Variants in WDR44 observed in about 807,000 individuals in gnomAD.
WDR44 encodes the protein WD repeat-containing protein 44.
WDR44 carries 9 observed loss-of-function variants against 65.7 expected under a neutral mutation model. That is an observed-to-expected ratio of 0.14 (90% confidence interval 0.08 to 0.24). WDR44 has a LOEUF of 0.24. Among genes scored for constraint, WDR44 ranks in the 10% least tolerant of loss-of-function variants. The probability of loss-of-function intolerance (pLI) is 1.00; values close to 1 mark genes in which losing one functional copy is unlikely to be tolerated. For synonymous variants in WDR44, 220 were observed against 235.2 expected (o/e 0.94, Z 0.59); for missense variants, 425 against 670.9 (o/e 0.63, Z 4.05).
intron 12 of WDR44, among the ~76,000 whole-genome samples, chrX:118,430,929 G>A (rs762120870): frequency 8.9e-6 from 1 of 112,123 alleles, no homozygotes; most frequent in South Asian, 3.8e-4. Flanking sequence ...GGGGGGCGAG[G>A]ATGGTAGTCA....
At chrX:118,349,478 C>T (rs904180568) in intron 1 of WDR44, among the ~76,000 whole-genome samples, 6 of 109,982 alleles carry the variant, frequency 5.5e-5, no homozygotes, top group Admixed American at 1.9e-4. Flanking sequence ...TCTCCCAGGG[C>T]GCTGGGATTA....
intron 12 of WDR44, among the ~76,000 whole-genome samples, chrX:118,424,325 A>ATATATATATATATATATATATATG (rs2057136272): frequency 1.9e-4 from 12 of 62,449 alleles, no homozygotes; most frequent in African/African-American, 3.9e-4. Flanking sequence ...GTGTGTGTGT[A>ATATATATATATATATATATATATG]TATATATATA....
chrX:118,384,496 G>A (rs1408276438), intron 2 of WDR44, among the ~76,000 whole-genome samples: 7 of 111,601 alleles, frequency 6.3e-5, no homozygotes, highest in Non-Finnish European at 1.1e-4. Context: ...GTAGGTGTGC[G>A]GTCTTATTTC....
intron 8 of WDR44, among the ~76,000 whole-genome samples, chrX:118,402,435 CAAAAAAAAAAAAA>C (rs758497932): frequency 6.9e-5 from 1 of 14,424 alleles, no homozygotes; most frequent in Non-Finnish European, 1.0e-4. Flanking sequence ...AACTCTGTCT[CAAAAAAAAAAAAA>C]AAAAAAAAAA....
chrX:118,348,779 T>G (rs1172657475), intron 1 of WDR44, among the ~76,000 whole-genome samples: 1 of 111,955 alleles, frequency 8.9e-6, no homozygotes, highest in Non-Finnish European at 1.9e-5. Context: ...TTACTAGATA[T>G]TGGTCATCAG....
At position 118,404,302 on chromosome X, in the gene WDR44, G is replaced by T; in HGVS notation, c.1275-36G>T. 6 of 1,039,525 alleles carry T rather than the reference G, an allele frequency of 5.8e-6. No individual in the cohort carries two copies. The Middle Eastern group carries it at 8.0e-4, about 138-fold the overall frequency. The allele number at this position is 1,039,525 out of a possible 1,213,427, so 85.7% of individuals were successfully genotyped here. On this transcript the variant is annotated intron_variant, in intron 8 of 19. Transcript: ENST00000254029. ...GTCTGCAAATTATTGGACTTTTACA[G>T]TTAACTGAGTTGATACTTTTTTCAT...
At chrX:118,381,864 C>T (rs967462436) in intron 2 of WDR44, among the ~76,000 whole-genome samples, 2 of 107,832 alleles carry the variant, frequency 1.9e-5, no homozygotes, top group African/African-American at 3.4e-5. Context: ...CCACTGGGCC[C>T]GACCAGTATA....
In WDR44 at chrX:118,393,148, C is replaced by T; in HGVS notation, c.703C>T (p.Arg235Cys). The stretch of plus-strand genomic sequence containing the variant: ...TAGTACAAAGAAGCCTGTTCCAGCA[C>T]GCCCACCTCCTCCAACTAATTTCCC... ...VASTKKPVPARPPPPTNFPPP... is the reference protein window; with the variant it reads ...VASTKKPVPACPPPPTNFPPP... Residue 235 changes from arginine (R) to cysteine (C), a missense_variant, in exon 4 of 20, where the codon CGC (arginine) becomes TGC (cysteine). By Grantham distance (180) the Arg-to-Cys change is radical. Coordinates refer to ENST00000254029, the MANE Select transcript of WDR44 (RefSeq NM_019045.5). 3 of 1,211,938 alleles carry T rather than the reference C, an allele frequency of 2.5e-6. No individual in the cohort carries two copies. The highest frequency in any genetic ancestry group is 3.3e-6 in the Non-Finnish European group (3 of 895,566).
In WDR44 at chrX:118,432,809, A is replaced by G; in HGVS notation, c.1766A>G (p.Asp589Gly). The G allele has an allele frequency of 8.3e-7, 1 of 1,211,339 alleles. No homozygotes were observed. Among genetic ancestry groups the G allele is most frequent in the Non-Finnish European group, 1.1e-6 (1 of 894,859 alleles). Reference sequence around the variant, plus strand: ...TGCAGTGGAACTGATGAAGACCCTGATGATAAAAACGCACCCTTTCGGCAA... The same window carrying G: ...TGCAGTGGAACTGATGAAGACCCTGGTGATAAAAACGCACCCTTTCGGCAA... ...GVCSGTDEDP[D>G]DKNAPFRQRP... is the part of the protein sequence containing the mutation. Residue 589 changes from aspartate to glycine, a missense_variant, in exon 13 of 20, where the codon GAT becomes GGT. By Grantham distance (94) the Asp-to-Gly change is moderately conservative. This residue lies in a region of WDR44 where 45 missense variants were observed against 50.0 expected (regional missense o/e 0.90). Transcript: ENST00000254029.
At chrX:118,406,208 C>T (rs1485148434) in intron 9 of WDR44, among the ~76,000 whole-genome samples, 1 of 111,120 alleles carries the variant, frequency 9.0e-6, no homozygotes, top group Non-Finnish European at 1.9e-5. Flanking sequence ...GGGATTTGAG[C>T]ATTCGCAGAT....
Position 118,369,690 on chromosome X carries a change from A to C in WDR44, c.78-8729A>C, listed in dbSNP as rs28491731. Among the ~76,000 whole-genome samples, 1,138 of 104,544 alleles carry C rather than the reference A, an allele frequency of 0.011. 37 individuals carry two copies. The East Asian group carries it at 0.12, about 11-fold the overall frequency. 90.8% of individuals were successfully genotyped at this position (104,544 alleles called of 115,157 possible). The stretch of plus-strand genomic sequence containing the variant: ...TCACCGTGTTAGCCAGGATGGTCTC[A>C]ATCTCCTGACCTTGTGATCTGCCCG... On this transcript the variant is annotated intron_variant, in intron 1 of 19. Coordinates refer to ENST00000254029, the MANE Select transcript of WDR44 (RefSeq NM_019045.5).
intron 1 of WDR44, among the ~76,000 whole-genome samples, chrX:118,368,002 A>G (rs746510754): frequency 1.4e-3 from 154 of 111,680 alleles, no homozygotes; most frequent in African/African-American, 4.9e-3. Context: ...AAAATAGACT[A>G]CTGTTATATA....
chrX:118,396,947 T>G, intron 6 of WDR44, 23 bp from the exon 7 acceptor site: 1 of 1,152,309 alleles, frequency 8.7e-7, no homozygotes, highest in African/African-American at 1.8e-5. Context: ...CTTGGTGTGA[T>G]TGTTTTTTTT....
intron 12 of WDR44, 95 bp downstream of exon 12, chrX:118,411,054 A>G: frequency 1.5e-6 from 1 of 675,739 alleles, no homozygotes; most frequent in Non-Finnish European, 2.2e-6. Context: ...CAGTTGCATG[A>G]AGACACTTAA....
intron 12 of WDR44, among the ~76,000 whole-genome samples, chrX:118,429,228 TAAAAA>T (rs912197004): frequency 6.4e-5 from 7 of 108,666 alleles, no homozygotes; most frequent in Non-Finnish European, 1.3e-4. Context: ...ATTCAAAACA[TAAAAA>T]AAAAGAGACT....
chrX:118,364,798 G>A (rs963418812), intron 1 of WDR44, among the ~76,000 whole-genome samples: 1 of 112,213 alleles, frequency 8.9e-6, no homozygotes, highest in Non-Finnish European at 1.9e-5. Flanking sequence ...CTTTATCAGG[G>A]AAGCAGCTCA....
chrX:118,390,380 A>C lies in WDR44; in HGVS notation c.187-2252A>C, dbSNP rs370589195. Among the ~76,000 whole-genome samples the C allele has an allele frequency of 5.4e-5, 6 of 111,863 alleles. No individual in the cohort carries two copies. The East Asian group carries it at 1.7e-3, about 31-fold the overall frequency. ...ATAAGAAGGTGTCATGAGGCATATC[A>C]AGAGGCAAAAAACATGGACCTTTCT... On this transcript the variant is annotated intron_variant, in intron 3 of 19. Transcript: ENST00000254029.
At chrX:118,417,840 A>G (rs899838589) in intron 12 of WDR44, among the ~76,000 whole-genome samples, 1 of 111,927 alleles carries the variant, frequency 8.9e-6, no homozygotes, top group Non-Finnish European at 1.9e-5. Flanking sequence ...TTTGGTGTTT[A>G]ACATAATCCC....
intron 12 of WDR44, among the ~76,000 whole-genome samples, chrX:118,431,325 C>T (rs2057208489): frequency 9.0e-6 from 1 of 111,287 alleles, no homozygotes; most frequent in Non-Finnish European, 1.9e-5. Context: ...TTTTTGGAGA[C>T]AGAGTTTCGC....
Sources: gnomAD v4.1 joint callset for allele counts (sites outside exome capture counted in the v4.1 genomes callset) on GRCh38, gnomAD v4.1.1 for gene constraint, gnomAD v4.1.1 regional missense constraint, MANE v1.5 for transcripts, NCBI Gene and HGNC (gene_info 2026-07-23, HGNC 2026-07-21) for gene names.